AKT3: variants seen among roughly 807,000 people sequenced by gnomAD.
The protein encoded by AKT3 is AKT serine/threonine kinase 3.
AKT3 carries 15 observed loss-of-function variants against 65.3 expected under a neutral mutation model. The observed-to-expected ratio is 0.23, with a 90% CI of 0.15 to 0.35. The LOEUF (loss-of-function observed/expected upper bound fraction) is 0.35. Among genes scored for constraint, AKT3 ranks in the 10% least tolerant of loss-of-function variants. The pLI is 1.00. For synonymous variants in AKT3, 206 were observed against 183.8 expected, an observed-to-expected ratio of 1.12 and a Z score of -0.98; for missense variants, 243 against 576.5, an observed-to-expected ratio of 0.42 and a Z score of 5.92.
intron 2 of AKT3, among the ~76,000 whole-genome samples, chr1:243,697,012 T>C (rs997077378): frequency 6.6e-5 from 10 of 151,882 alleles, no homozygotes; most frequent in African/African-American, 2.4e-4. Context: ...TGTGGAATCA[T>C]TCCTCTGAAT....
At chr1:243,721,463 G>A (rs1050028562) in intron 2 of AKT3, among the ~76,000 whole-genome samples, 1 of 152,078 alleles carries the variant, frequency 6.6e-6, no homozygotes, top group Non-Finnish European at 1.5e-5. Context: ...TGTCCCATAT[G>A]TTTGGGGTCT....
At chr1:243,747,409 C>T (rs958838245) in intron 2 of AKT3, among the ~76,000 whole-genome samples, 2 of 152,040 alleles carry the variant, frequency 1.3e-5, no homozygotes, top group African/African-American at 4.8e-5. Context: ...TATTTTCATG[C>T]TTTTTTTATT....
At chr1:243,645,340 C>T (rs1680726904) in intron 5 of AKT3, among the ~76,000 whole-genome samples, 1 of 152,026 alleles carries the variant, frequency 6.6e-6, no homozygotes, top group African/African-American at 2.4e-5. Flanking sequence ...TTATATTGCT[C>T]ATAAAAATAT....
At chr1:243,695,317 T>C (rs1481070148) in intron 3 of AKT3, among the ~76,000 whole-genome samples, 1 of 151,952 alleles carries the variant, frequency 6.6e-6, no homozygotes, top group African/African-American at 2.4e-5. Flanking sequence ...TGTTTTTATG[T>C]TATAAACAAA....
chr1:243,721,380 AC>A (rs1686894579), intron 2 of AKT3, among the ~76,000 whole-genome samples: 1 of 152,224 alleles, frequency 6.6e-6, no homozygotes, highest in South Asian at 2.1e-4. Context: ...TTAGATCATA[AC>A]CTTTTTGTCC....
intron 8 of AKT3, among the ~76,000 whole-genome samples, chr1:243,585,440 C>T (rs958753465): frequency 2.6e-5 from 4 of 151,804 alleles, no homozygotes; most frequent in Admixed American, 6.6e-5. Context: ...CAAAGCAATC[C>T]TAATCAAAAA....
At chr1:243,643,983 T>A (rs1367579927) in intron 5 of AKT3, among the ~76,000 whole-genome samples, 1 of 152,238 alleles carries the variant, frequency 6.6e-6, no homozygotes, top group Non-Finnish European at 1.5e-5. Context: ...AGGACCGTTA[T>A]GGAGTTAGTA....
intron 2 of AKT3, among the ~76,000 whole-genome samples, chr1:243,717,891 T>C (rs962898564): frequency 1.3e-5 from 2 of 152,244 alleles, no homozygotes; most frequent in African/African-American, 4.8e-5. Context: ...TTGTACATTA[T>C]ACTTGTAAGA....
At position 243,844,655 on chromosome 1, in the gene AKT3, T is replaced by A. The variant is rs572299683; in HGVS notation, c.-112-1373A>T. ...ATGCCTAGCTAATTTTTAAAAAAAA[T>A]TTTTGTGGAGATGGGGTCCCGCTAT... On this transcript the variant is annotated intron_variant, in intron 1 of 13. Transcript: ENST00000673466. Among the ~76,000 whole-genome samples, 70 of 152,202 alleles carry A rather than the reference T, an allele frequency of 4.6e-4. 1 individual carries two copies. In the South Asian group the frequency reaches 6.2e-3, roughly 14 times the overall value.
chr1:243,846,353 G>A (rs1215779706), intron 1 of AKT3, among the ~76,000 whole-genome samples: 4 of 151,904 alleles, frequency 2.6e-5, no homozygotes, highest in Non-Finnish European at 5.9e-5. Flanking sequence ...TATATATATA[G>A]GAATTATCTA....
intron 9 of AKT3, among the ~76,000 whole-genome samples, chr1:243,565,364 C>T (rs555055801): frequency 3.9e-5 from 6 of 152,292 alleles, no homozygotes; most frequent in South Asian, 2.1e-4. Flanking sequence ...GCTGGGAACA[C>T]GGGCACGTGC....
intron 3 of AKT3, among the ~76,000 whole-genome samples, chr1:243,677,511 A>G (rs1182299730): frequency 6.6e-6 from 1 of 151,958 alleles, no homozygotes; most frequent in Non-Finnish European, 1.5e-5. Context: ...GTATATTTAT[A>G]TATTTCATAT....
chr1:243,755,427 T>C (rs1012522149), intron 2 of AKT3, among the ~76,000 whole-genome samples: 9 of 152,064 alleles, frequency 5.9e-5, no homozygotes, highest in Admixed American at 3.3e-4. Flanking sequence ...TCTTGTCATA[T>C]GTGCAAACCC....
At chr1:243,784,578 C>T (rs934090702) in intron 2 of AKT3, among the ~76,000 whole-genome samples, 1 of 152,200 alleles carries the variant, frequency 6.6e-6, no homozygotes, top group African/African-American at 2.4e-5. Context: ...CTGGCCCCTC[C>T]GAGTTCTGGC....
intron 12 of AKT3, among the ~76,000 whole-genome samples, chr1:243,518,902 C>A (rs933339722): frequency 6.6e-6 from 1 of 151,978 alleles, no homozygotes; most frequent in Non-Finnish European, 1.5e-5. Flanking sequence ...GGACAGAGCC[C>A]CTGTAAGAGC....
intron 4 of AKT3, among the ~76,000 whole-genome samples, chr1:243,662,300 C>G (rs1682416321): frequency 6.6e-6 from 1 of 151,932 alleles, no homozygotes; most frequent in Non-Finnish European, 1.5e-5. Flanking sequence ...AGACTTGGAA[C>G]CAACCCAAAT....
At chr1:243,584,351 CAAGACGG>C (rs764906351) in intron 8 of AKT3, among the ~76,000 whole-genome samples, 20 of 152,044 alleles carry the variant, frequency 1.3e-4, no homozygotes, top group South Asian at 6.2e-4. Context: ...AAGTCCCAAA[CAAGACGG>C]ATTCACAGTT....
chr1:243,580,604 A>G (rs1675268898), intron 8 of AKT3, among the ~76,000 whole-genome samples: 1 of 152,186 alleles, frequency 6.6e-6, no homozygotes, highest in African/African-American at 2.4e-5. Flanking sequence ...CAACAGGGCT[A>G]GAATTGTGCT....
intron 2 of AKT3, among the ~76,000 whole-genome samples, chr1:243,840,314 G>A (rs575025224): frequency 3.3e-5 from 5 of 152,078 alleles, no homozygotes; most frequent in East Asian, 3.9e-4. Flanking sequence ...GAGAACACAC[G>A]GACACAAGGA....
Sources: allele counts gnomAD v4.1 joint callset (sites outside exome capture counted in the v4.1 genomes callset), GRCh38; gene constraint gnomAD v4.1.1; transcripts MANE v1.5; gene names NCBI Gene and HGNC (gene_info 2026-07-23, HGNC 2026-07-21).